The following ABCC12 variants were observed in gnomAD, a reference collection of about 807,000 sequenced individuals.
ABCC12 encodes the protein ATP-binding cassette sub-family C member 12.
ABCC12 carries 142 observed loss-of-function variants against 151.1 expected under a neutral mutation model. That is an observed-to-expected ratio of 0.94 (90% CI 0.82 to 1.08). The LOEUF is 1.08. ABCC12 is among the 50% of genes least tolerant of loss of function. The pLI is 0.00. For missense variants in ABCC12, 1,638 were observed against 1,691.1 expected, an observed-to-expected ratio of 0.97 and a Z score of 0.55; for synonymous variants, 645 against 646.4, an observed-to-expected ratio of 1.00 and a Z score of 0.03.
chr16:48,118,984 G>A (rs1963980329), intron 13 of ABCC12, among the ~76,000 whole-genome samples: 1 of 152,184 alleles, frequency 6.6e-6, no homozygotes, highest in Non-Finnish European at 1.5e-5. Flanking sequence ...ATCAGTGGGG[G>A]CTATAATTGC....
rs144211432 is a variant in ABCC12, at chr16:48,143,979, C to T, written c.206G>A (p.Arg69Gln). Reference protein sequence around the residue: ...WLTPVMVKGYRQRLTVDTLPP... With the variant: ...WLTPVMVKGYQQRLTVDTLPP... ...CAGGGTGTCTACGGTCAGCCTTTGC[C>T]GGTAGCCTTTCACCATCACCGGCGT... Residue 69 changes from arginine to glutamine, a missense_variant, in exon 4 of 31, where the codon CGG (arginine) becomes CAG (glutamine). Coordinates refer to ENST00000311303, the MANE Select transcript of ABCC12 (RefSeq NM_001393797.1). 102 of 1,614,012 alleles carry T rather than the reference C, an allele frequency of 6.3e-5. No individual in the cohort carries two copies. In the African/African-American group the frequency reaches 6.7e-4, roughly 11 times the overall value.
intron 8 of ABCC12, 102 bp from the exon 9 acceptor site, chr16:48,133,937 C>T (rs992747503): frequency 5.5e-5 from 76 of 1,382,072 alleles, no homozygotes; most frequent in Non-Finnish European, 4.4e-5. Flanking sequence ...GATGGGCGCT[C>T]ATGAGTCCTG....
rs371055025 is a variant in ABCC12, at chr16:48,086,836, G to T, written c.3636-17C>A. ...AAGTTGTACCTGCAATGAAGGAGAG[G>T]AGAGGACAGGGAGCCAGATTTCCAA... On this transcript the variant is annotated splice_polypyrimidine_tract_variant and intron_variant, in intron 27 of 30. Transcript: ENST00000311303. 10 of 1,603,192 alleles carry T rather than the reference G, an allele frequency of 6.2e-6. No individual in the cohort carries two copies. The African/African-American group carries it at 1.1e-4, about 17-fold the overall frequency.
At chr16:48,133,986 G>T in intron 8 of ABCC12, 151 bp from the exon 9 acceptor site, 1 of 935,016 alleles carries the variant, frequency 1.1e-6, no homozygotes, top group Non-Finnish European at 1.6e-6. Context: ...GAAAGCCCCG[G>T]GCACAAACCC....
intron 6 of ABCC12, among the ~76,000 whole-genome samples, chr16:48,140,377 T>C (rs1438394326): frequency 1.3e-5 from 2 of 152,152 alleles, no homozygotes; most frequent in African/African-American, 4.8e-5. Context: ...TAAATGCCTA[T>C]AGTGTGCTCA....
intron 3 of ABCC12, 96 bp downstream of exon 3, chr16:48,146,210 A>C (rs879640132): frequency 1.3e-5 from 14 of 1,065,256 alleles, no homozygotes; most frequent in Non-Finnish European, 1.9e-5. Context: ...GAGCAGATAG[A>C]GCAGCAGATG....
chr16:48,098,054 G>A (rs890812796), intron 23 of ABCC12, among the ~76,000 whole-genome samples: 11 of 151,024 alleles, frequency 7.3e-5, no homozygotes, highest in Admixed American at 3.3e-4. Flanking sequence ...TAAAAGCACA[G>A]AGCAGGTGCT....
chr16:48,121,737 C>T lies in ABCC12; in HGVS notation c.1691G>A (p.Gly564Glu), dbSNP rs779741609. ...HGNVRENILF[G>E]EKYDHQRYQH... ...TTACCTTTGGTGATCATACTTTTCT[C>T]CAAAGAGTATGTTTTCTCTCACATT... Residue 564 changes from glycine to glutamate, a missense_variant, in exon 13 of 31, where the codon GGA (glycine) becomes GAA (glutamate). Gly to Glu is a moderately conservative substitution (Grantham distance 98). Coordinates refer to ENST00000311303, the MANE Select transcript of ABCC12 (RefSeq NM_001393797.1). The T allele has an allele frequency of 8.1e-6, 13 of 1,614,020 alleles. No individual in the cohort carries two copies. The highest frequency in any genetic ancestry group is 1.1e-5 in the Non-Finnish European group (13 of 1,180,028).
chr16:48,121,535 G>A lies in ABCC12; in HGVS notation c.1712+181C>T, dbSNP rs147366465. ...GTGCAGTCGCAGGTCTGCAGAAGTC[G>A]CCTCTCCTGAACGCTTGGCTCAGGA... On this transcript the variant is annotated intron_variant, in intron 13 of 30. Coordinates refer to ENST00000311303, the MANE Select transcript of ABCC12 (RefSeq NM_001393797.1). The A allele has an allele frequency of 1.5e-3, 1,063 of 724,216 alleles. 7 individuals are homozygous for A. The highest frequency in any genetic ancestry group is 8.1e-3 in the Middle Eastern group (32 of 3,934). The allele number at this position is 724,216 out of a possible 1,614,324, so 44.9% of individuals were successfully genotyped here.
In ABCC12 at chr16:48,128,335, T is replaced by C. The variant is rs1272451174; in HGVS notation, c.1515+124A>G. 17 of 1,398,132 alleles carry C rather than the reference T, an allele frequency of 1.2e-5. No individual in the cohort carries two copies. The East Asian group carries it at 2.5e-4, about 21-fold the overall frequency. The allele number at this position is 1,398,132 out of a possible 1,614,324, so 86.6% of individuals were successfully genotyped here. On this transcript the variant is annotated intron_variant, in intron 11 of 30. Transcript: ENST00000311303. ...AAAACTGGGGGAAAAATACAGGGAC[T>C]CTGGTTAGAGACATCCCATCACCAC...
chr16:48,085,362 C>T (rs1035995369), intron 29 of ABCC12, among the ~76,000 whole-genome samples: 2 of 152,046 alleles, frequency 1.3e-5, no homozygotes, highest in African/African-American at 4.8e-5. Context: ...AAAATCTAAG[C>T]GAGACCTCCC....
At chr16:48,125,872 C>A (rs1206192226) in intron 11 of ABCC12, among the ~76,000 whole-genome samples, 1 of 152,228 alleles carries the variant, frequency 6.6e-6, no homozygotes, top group African/African-American at 2.4e-5. Flanking sequence ...GTGATCCACA[C>A]AGAGGTCTCC....
chr16:48,088,487 T>C, intron 26 of ABCC12, 58 bp downstream of exon 26: 1 of 1,564,364 alleles, frequency 6.4e-7, no homozygotes, highest in Non-Finnish European at 8.7e-7. Context: ...AACTAGGACA[T>C]CCAGTGGAAA....
In ABCC12 at chr16:48,143,958, G is replaced by T. The variant is rs1277576505; in HGVS notation, c.227C>A (p.Thr76Asn). 2 of 1,614,222 alleles carry T rather than the reference G, an allele frequency of 1.2e-6. No homozygotes were observed. Among genetic ancestry groups the T allele is most frequent in the South Asian group, 1.1e-5 (1 of 91,088 alleles). ...KGYRQRLTVDTLPPLSTYDSS... is the reference protein window; with the variant it reads ...KGYRQRLTVDNLPPLSTYDSS... ...GTCATATGTCGACAATGGGGGCAGGGTGTCTACGGTCAGCCTTTGCCGGTA... is the reference window on the plus strand; with the variant it reads ...GTCATATGTCGACAATGGGGGCAGGTTGTCTACGGTCAGCCTTTGCCGGTA... Residue 76 changes from threonine to asparagine, a missense_variant, in exon 4 of 31, where the codon ACC becomes AAC. Coordinates refer to ENST00000311303, the MANE Select transcript of ABCC12 (RefSeq NM_001393797.1).
chr16:48,121,676 CA>C, intron 13 of ABCC12, 39 bp downstream of exon 13: 1 of 1,612,206 alleles, frequency 6.2e-7, no homozygotes, highest in South Asian at 1.1e-5. Flanking sequence ...GAGTGTGTAC[CA>C]AACACAAATG....
At chr16:48,140,271 A>G (rs80271929) in intron 6 of ABCC12, among the ~76,000 whole-genome samples, 1 of 150,020 alleles carries the variant, frequency 6.7e-6, no homozygotes, top group Non-Finnish European at 1.5e-5. Context: ...GAAAATGTCA[A>G]CTCTGAAGTC....
chr16:48,109,135 G>A (rs1195981805), intron 18 of ABCC12, among the ~76,000 whole-genome samples: 1 of 152,168 alleles, frequency 6.6e-6, no homozygotes, highest in East Asian at 1.9e-4. Context: ...ATGCAGAGAT[G>A]GCATTTGGGA....
intron 9 of ABCC12, among the ~76,000 whole-genome samples, chr16:48,133,311 C>T (rs1460457527): frequency 2.0e-5 from 3 of 151,990 alleles, no homozygotes; most frequent in African/African-American, 4.8e-5. Flanking sequence ...TACCTGAGGT[C>T]GGGAGTTCAA....
intron 2 of ABCC12, among the ~76,000 whole-genome samples, chr16:48,152,991 G>T (rs1365390824): frequency 6.6e-6 from 1 of 152,184 alleles, no homozygotes; most frequent in Non-Finnish European, 1.5e-5. Context: ...CCAAGTCAAA[G>T]GTCAAACTGT....
Sources: gnomAD v4.1 joint callset for allele counts (sites outside exome capture counted in the v4.1 genomes callset) on GRCh38, gnomAD v4.1.1 for gene constraint, MANE v1.5 for transcripts, NCBI Gene and HGNC (gene_info 2026-07-23, HGNC 2026-07-21) for gene names.